KCNK2: variants seen among roughly 807,000 people sequenced by gnomAD.
The protein encoded by KCNK2 is potassium two pore domain channel subfamily K member 2, also known as potassium channel subfamily K member 2.
A neutral mutation model predicts 40.5 loss-of-function variants in KCNK2; 21 were observed. That is an observed-to-expected ratio of 0.52 (90% CI 0.37 to 0.75). The LOEUF is 0.75. KCNK2 is among the 30% of genes least tolerant of loss of function. The pLI, the probability that KCNK2 is intolerant of heterozygous loss-of-function variation, is 0.00. For missense variants in KCNK2, 399 were observed against 531.6 expected (o/e 0.75, Z 2.45); for synonymous variants, 191 against 202.2 (o/e 0.94, Z 0.47).
At chr1:215,193,367 T>A (rs1192377045) in intron 5 of KCNK2, among the ~76,000 whole-genome samples, 1 of 152,162 alleles carries the variant, frequency 6.6e-6, no homozygotes, top group Non-Finnish European at 1.5e-5. Context: ...GTGTTAGATT[T>A]GCATGTAAGG....
chr1:215,230,575 T>TATAC (rs1247093134), intron 6 of KCNK2, among the ~76,000 whole-genome samples: 2 of 76,514 alleles, frequency 2.6e-5, no homozygotes, highest in African/African-American at 9.9e-5. Context: ...TATATATATA[T>TATAC]ACAAGACCGT....
At chr1:215,058,701 CT>C (rs1263350737) in intron 1 of KCNK2, among the ~76,000 whole-genome samples, 3 of 152,172 alleles carry the variant, frequency 2.0e-5, no homozygotes, top group South Asian at 2.1e-4. Context: ...AATCGCCCCC[CT>C]GACCTTTCCA....
In KCNK2 at chr1:215,236,060, CT is replaced by C. The variant is rs1666873516; in HGVS notation, c.*916del. ...AGAAGAAGAAAATCTATCTATCTATCTATCTATCTATCTATCTATCTATCTA... is the reference window on the plus strand; with the variant it reads ...AGAAGAAGAAAATCTATCTATCTATCATCTATCTATCTATCTATCTATCTA... On this transcript the variant is annotated 3_prime_UTR_variant, in exon 7 of 7. Coordinates refer to ENST00000444842, the MANE Select transcript of KCNK2 (RefSeq NM_001017425.3). The C allele has an allele frequency of 1.3e-5, 2 of 148,918 alleles. No individual in the cohort carries two copies. Among genetic ancestry groups the C allele is most frequent in the Admixed American group, 6.6e-5 (1 of 15,072 alleles). 9.2% of individuals were successfully genotyped at this position (148,918 alleles called of 1,614,324 possible).
chr1:215,152,629 G>C (rs945253192), intron 3 of KCNK2, among the ~76,000 whole-genome samples: 7 of 152,120 alleles, frequency 4.6e-5, no homozygotes, highest in Non-Finnish European at 1.0e-4. Flanking sequence ...TCAGTAACTA[G>C]CATGGTGATT....
intron 3 of KCNK2, among the ~76,000 whole-genome samples, chr1:215,153,560 G>A (rs894666259): frequency 4.3e-5 from 4 of 94,038 alleles, no homozygotes; most frequent in Admixed American, 1.1e-4. Flanking sequence ...GATATATAGC[G>A]TTGTTATATA....
At chr1:215,129,053 A>T (rs1417567136) in intron 3 of KCNK2, among the ~76,000 whole-genome samples, 1 of 152,166 alleles carries the variant, frequency 6.6e-6, no homozygotes, top group Non-Finnish European at 1.5e-5. Context: ...GACTGGGATG[A>T]TTGGAGTTGG....
At chr1:215,213,940 A>G (rs1665846660) in intron 6 of KCNK2, among the ~76,000 whole-genome samples, 1 of 152,150 alleles carries the variant, frequency 6.6e-6, no homozygotes, top group Admixed American at 6.6e-5. Flanking sequence ...AATTTATCCT[A>G]CTGTCCATTT....
chr1:215,148,963 G>A (rs1558113422), intron 3 of KCNK2, among the ~76,000 whole-genome samples: 1 of 152,168 alleles, frequency 6.6e-6, no homozygotes, highest in Non-Finnish European at 1.5e-5. Context: ...TGATGACTCT[G>A]AAGTTTCTAA....
chr1:215,041,438 TTTTG>T (rs552704819), intron 1 of KCNK2, among the ~76,000 whole-genome samples: 119 of 152,276 alleles, frequency 7.8e-4, no homozygotes, highest in African/African-American at 2.7e-3. Flanking sequence ...TGTTGGTAAG[TTTTG>T]TTTCTTGTGA....
intron 1 of KCNK2, among the ~76,000 whole-genome samples, chr1:215,007,029 A>ATGTG (rs1447540201): frequency 8.8e-5 from 6 of 68,448 alleles, no homozygotes; most frequent in African/African-American, 3.2e-4. Flanking sequence ...ATATATATAT[A>ATGTG]TATATATATG....
At chr1:215,209,064 C>T (rs28522724) in intron 6 of KCNK2, among the ~76,000 whole-genome samples, 27 of 151,014 alleles carry the variant, frequency 1.8e-4, no homozygotes, top group African/African-American at 5.6e-4. Context: ...TGACCTCAAG[C>T]GATCCACCTG....
intron 3 of KCNK2, among the ~76,000 whole-genome samples, chr1:215,153,682 T>C (rs890665196): frequency 2.0e-5 from 3 of 152,094 alleles, no homozygotes; most frequent in Admixed American, 6.6e-5. Flanking sequence ...GTTCGTTACA[T>C]AGGTATACGT....
intron 6 of KCNK2, among the ~76,000 whole-genome samples, chr1:215,225,548 A>G (rs978252120): frequency 2.0e-5 from 3 of 152,216 alleles, no homozygotes; most frequent in Admixed American, 6.5e-5. Context: ...TAGAGAACCT[A>G]TGAAAATATC....
At chr1:215,090,123 G>A (rs562602103) in intron 2 of KCNK2, among the ~76,000 whole-genome samples, 4 of 152,146 alleles carry the variant, frequency 2.6e-5, no homozygotes, top group Admixed American at 1.3e-4. Context: ...ACTGCACCCC[G>A]CCTGTTTAAA....
intron 1 of KCNK2, among the ~76,000 whole-genome samples, chr1:215,062,661 G>T (rs1442795184): frequency 6.6e-6 from 1 of 151,548 alleles, no homozygotes; most frequent in Non-Finnish European, 1.5e-5. Context: ...TGTGGGATGG[G>T]CTAAAGTTAA....
intron 1 of KCNK2, among the ~76,000 whole-genome samples, chr1:215,019,418 A>G (rs891616548): frequency 6.6e-6 from 1 of 152,246 alleles, no homozygotes; most frequent in African/African-American, 2.4e-5. Flanking sequence ...CACCATGAGC[A>G]GGGCTAATAA....
chr1:215,216,763 T>A (rs956250941), intron 6 of KCNK2, among the ~76,000 whole-genome samples: 5 of 152,174 alleles, frequency 3.3e-5, no homozygotes, highest in East Asian at 1.9e-4. Context: ...TGCTCTTTTT[T>A]AATAATAAAT....
intron 3 of KCNK2, among the ~76,000 whole-genome samples, chr1:215,140,240 A>G (rs999866440): frequency 3.9e-5 from 6 of 152,196 alleles, no homozygotes. Context: ...TAAGGGGGAA[A>G]AAAGTTTTGT....
intron 3 of KCNK2, among the ~76,000 whole-genome samples, chr1:215,157,773 G>A (rs1409885989): frequency 1.3e-5 from 2 of 152,200 alleles, no homozygotes; most frequent in African/African-American, 4.8e-5. Flanking sequence ...ACCGCTTATA[G>A]TCAATGGACA....
Sources: gnomAD v4.1 joint callset for allele counts (sites outside exome capture counted in the v4.1 genomes callset) on GRCh38, gnomAD v4.1.1 for gene constraint, MANE v1.5 for transcripts, NCBI Gene and HGNC (gene_info 2026-07-23, HGNC 2026-07-21) for gene names.